NHS: variants seen among roughly 807,000 people sequenced by gnomAD.
NHS encodes the protein NHS actin remodeling regulator.
NHS carries 5 observed loss-of-function variants against 72.5 expected under a neutral mutation model. The ratio of observed to expected loss-of-function variants is 0.07; its 90% CI spans 0.04 to 0.14. The LOEUF (loss-of-function observed/expected upper bound fraction) is 0.14. Among genes scored for constraint, NHS ranks in the 10% least tolerant of loss-of-function variants. The pLI, the probability that NHS is intolerant of heterozygous loss-of-function variation, is 1.00. For synonymous variants in NHS, 464 were observed against 547.7 expected (o/e 0.85, Z 2.13); for missense variants, 1,072 against 1,355.7 (o/e 0.79, Z 3.29).
At chrX:17,643,940 T>A (rs2065894140) in intron 1 of NHS, among the ~76,000 whole-genome samples, 1 of 112,218 alleles carries the variant, frequency 8.9e-6, no homozygotes, top group South Asian at 3.7e-4. Flanking sequence ...ATGAGAAAGA[T>A]GATAGTTTGT....
chrX:17,466,001 G>T (rs1194505730), intron 1 of NHS, among the ~76,000 whole-genome samples: 1 of 113,289 alleles, frequency 8.8e-6, no homozygotes, highest in Admixed American at 9.3e-5. Flanking sequence ...CACTGGGTGT[G>T]TAAGCATGCC....
intron 1 of NHS, among the ~76,000 whole-genome samples, chrX:17,650,017 A>G (rs748059876): frequency 2.4e-4 from 27 of 112,030 alleles, no homozygotes; most frequent in African/African-American, 8.8e-4. Flanking sequence ...CCTTGGAGAC[A>G]AAATTGAGTT....
At chrX:17,425,224 T>C (rs2146869479) in intron 1 of NHS, among the ~76,000 whole-genome samples, 1 of 111,899 alleles carries the variant, frequency 8.9e-6, no homozygotes, top group African/African-American at 3.2e-5. Context: ...GAGTTCATTC[T>C]GATCCACGTC....
chrX:17,484,211 C>T (rs918194522), intron 1 of NHS, among the ~76,000 whole-genome samples: 2 of 112,505 alleles, frequency 1.8e-5, no homozygotes, highest in Non-Finnish European at 3.8e-5. Flanking sequence ...CTTTGTCCCT[C>T]ATGTGTTCCC....
At position 17,447,820 on chromosome X, in the gene NHS, G is replaced by C. The variant is rs935184145; in HGVS notation, c.565+71498G>C. 1.3e-4 allele frequency among the ~76,000 whole-genome samples: 13 copies of C among 102,021 alleles called. No homozygotes were observed. In the East Asian group the frequency reaches 1.5e-3, roughly 12 times the overall value. 88.6% of individuals were successfully genotyped at this position (102,021 alleles called of 115,157 possible). ...ACACACACACACACACACACACACA[G>C]AGGATTTTCTGGTTCTTTCTTCTTT... On this transcript the variant is annotated intron_variant, in intron 1 of 8. Coordinates refer to ENST00000676302, the MANE Select transcript of NHS (RefSeq NM_001291867.2).
At chrX:17,418,802 G>A (rs1412813524) in intron 1 of NHS, among the ~76,000 whole-genome samples, 1 of 111,510 alleles carries the variant, frequency 9.0e-6, no homozygotes, top group Admixed American at 9.6e-5. Context: ...GAAACTGTGG[G>A]CACGAGAGAG....
At chrX:17,645,555 C>G in intron 1 of NHS, among the ~76,000 whole-genome samples, 1 of 111,447 alleles carries the variant, frequency 9.0e-6, no homozygotes, top group African/African-American at 3.3e-5. Flanking sequence ...AAATGACATC[C>G]TAGAACTGCT....
rs34807039 is a variant in NHS at position 17,378,059 on chromosome X, C to CGTGTGTGTGTGTGTGTGTGTGTGTGTGT, written c.565+1764_565+1765insTGTGTGTGTGTGTGTGTGTGTGTGTGTG. On this transcript the variant is annotated intron_variant, in intron 1 of 8. Coordinates refer to ENST00000676302, the MANE Select transcript of NHS (RefSeq NM_001291867.2). ...ACTGTTGAGTGGTGCATACATTTCCCGTGTGTGTGTGTGTGTGTGTGTGTG... is the reference window on the plus strand; with the variant it reads ...ACTGTTGAGTGGTGCATACATTTCCCGTGTGTGTGTGTGTGTGTGTGTGTGTGTGTGTGTGTGTGTGTGTGTGTGTGTG... 2.3e-3 allele frequency among the ~76,000 whole-genome samples: 232 copies of CGTGTGTGTGTGTGTGTGTGTGTGTGTGT among 101,053 alleles called. 1 individual carries two copies. The highest frequency in any genetic ancestry group is 0.011 in the East Asian group (33 of 3,083). The allele number at this position is 101,053 out of a possible 115,157, so 87.8% of individuals were successfully genotyped here.
At position 17,615,074 on chromosome X, in the gene NHS, ATATATATATATATGTGTG is replaced by A. The variant is rs1208096193; in HGVS notation, c.566-72656_566-72639del. ...CAGGGCAGGCTCTTGTCATTCATAC[ATATATATATATATGTGTG>A]TATATATATATGTATATATATATAT... On this transcript the variant is annotated intron_variant, in intron 1 of 8. Coordinates refer to ENST00000676302, the MANE Select transcript of NHS (RefSeq NM_001291867.2). Among the ~76,000 whole-genome samples, 4 of 86,487 alleles carry A rather than the reference ATATATATATATATGTGTG, an allele frequency of 4.6e-5. No individual in the cohort carries two copies. The South Asian group carries it at 1.9e-3, about 41-fold the overall frequency. The allele number at this position is 86,487 out of a possible 115,157, so 75.1% of individuals were successfully genotyped here.
At chrX:17,430,295 CTTT>C (rs2064685535) in intron 1 of NHS, among the ~76,000 whole-genome samples, 1 of 73,316 alleles carries the variant, frequency 1.4e-5, no homozygotes, top group African/African-American at 5.7e-5. Context: ...TTCTTTCTTT[CTTT>C]CTTTCTTTCT....
intron 1 of NHS, among the ~76,000 whole-genome samples, chrX:17,520,829 C>A (rs904403875): frequency 5.4e-5 from 6 of 111,022 alleles, no homozygotes; most frequent in Admixed American, 9.5e-5. Context: ...TACCCTGCCA[C>A]CACTCTCTTT....
At chrX:17,519,444 G>A (rs748512985) in intron 1 of NHS, among the ~76,000 whole-genome samples, 7 of 111,696 alleles carry the variant, frequency 6.3e-5, no homozygotes, top group South Asian at 3.8e-4. Flanking sequence ...ATTGTTTTGC[G>A]GCCCATTTTA....
chrX:17,704,528 G>C (rs2147124399), intron 3 of NHS, among the ~76,000 whole-genome samples: 1 of 110,614 alleles, frequency 9.0e-6, no homozygotes, highest in African/African-American at 3.3e-5. Context: ...TCAATCTCCT[G>C]ACCTCGTGAT....
chrX:17,546,689 C>T (rs1404840039), intron 1 of NHS, among the ~76,000 whole-genome samples: 2 of 112,338 alleles, frequency 1.8e-5, no homozygotes, highest in South Asian at 3.7e-4. Flanking sequence ...CATATATGCA[C>T]GTGACATAAA....
At chrX:17,526,957 A>G (rs1205104992) in intron 1 of NHS, among the ~76,000 whole-genome samples, 1 of 112,626 alleles carries the variant, frequency 8.9e-6, no homozygotes, top group African/African-American at 3.2e-5. Context: ...AAAACTTCAG[A>G]TACTTGTGCA....
intron 1 of NHS, among the ~76,000 whole-genome samples, chrX:17,664,432 T>C (rs1365969693): frequency 5.3e-5 from 6 of 112,154 alleles, no homozygotes; most frequent in Non-Finnish European, 1.1e-4. Flanking sequence ...TCCAGAACCA[T>C]TTGTAAAAAG....
At chrX:17,600,286 C>CAGAGAG (rs113777136) in intron 1 of NHS, among the ~76,000 whole-genome samples, 38 of 101,356 alleles carry the variant, frequency 3.7e-4, no homozygotes, top group African/African-American at 9.3e-4. Context: ...CAGAGAGAGA[C>CAGAGAG]AGAGAGAGAG....
intron 1 of NHS, among the ~76,000 whole-genome samples, chrX:17,521,366 C>CTTTTTTTTT (rs766662277): frequency 9.2e-5 from 9 of 97,348 alleles, no homozygotes; most frequent in African/African-American, 3.5e-4. Context: ...TCCCTTCCCT[C>CTTTTTTTTT]TTTTTTTTTT....
chrX:17,646,222 A>G (rs367678254), intron 1 of NHS, among the ~76,000 whole-genome samples: 14 of 112,240 alleles, frequency 1.2e-4, no homozygotes, highest in African/African-American at 3.9e-4. Flanking sequence ...GATTACAGGC[A>G]TGAGCCACCA....
Sources: gnomAD v4.1 joint callset for allele counts (sites outside exome capture counted in the v4.1 genomes callset) on GRCh38, gnomAD v4.1.1 for gene constraint, MANE v1.5 for transcripts, NCBI Gene and HGNC (gene_info 2026-07-23, HGNC 2026-07-21) for gene names.